XXYLT1: variants seen among roughly 807,000 people sequenced by gnomAD.
The protein encoded by XXYLT1 is xyloside xylosyltransferase 1.
In XXYLT1, 20 loss-of-function variants were observed where a neutral mutation model predicts 28.9. The observed-to-expected ratio is 0.69, with a 90% CI of 0.49 to 1.00. The LOEUF (loss-of-function observed/expected upper bound fraction) is 1.00. Among genes scored for constraint, XXYLT1 ranks in the 50% least tolerant of loss-of-function variants. The pLI is 0.00. For synonymous variants in XXYLT1, 257 were observed against 253.8 expected (o/e 1.01, Z -0.12); for missense variants, 542 against 560.1 (o/e 0.97, Z 0.33).
Position 195,180,288 on chromosome 3 carries a change from G to A in XXYLT1, c.653-23707C>T. ...ACTCGGTCCCCCAGTTACAGGAAAG[G>A]TCCCTTCCATCCTGGGGACCCAACT... is the stretch of plus-strand genomic sequence containing the variant. On this transcript the variant is annotated intron_variant, in intron 2 of 3. Coordinates refer to ENST00000310380, the MANE Select transcript of XXYLT1 (RefSeq NM_152531.5). The surrounding 1 kb of genome is among the most constrained non-coding windows in gnomAD (Gnocchi z 5.8). The A allele has an allele frequency of 1.0e-6, 1 of 981,396 alleles. No homozygotes were observed. 60.8% of individuals were successfully genotyped at this position (981,396 alleles called of 1,614,324 possible).
intron 2 of XXYLT1, among the ~76,000 whole-genome samples, chr3:195,172,773 A>T (rs1721474145): frequency 6.6e-6 from 1 of 152,224 alleles, no homozygotes; most frequent in South Asian, 2.1e-4. Flanking sequence ...AAAAGGCAAC[A>T]TTTGAGCTGA....
intron 2 of XXYLT1, among the ~76,000 whole-genome samples, chr3:195,196,415 G>T: frequency 6.6e-6 from 1 of 152,066 alleles, no homozygotes; most frequent in Non-Finnish European, 1.5e-5. Context: ...CCCCATCCCC[G>T]CCAGCATCAC....
At chr3:195,179,921 G>A (rs1346073951) in intron 2 of XXYLT1, among the ~76,000 whole-genome samples, 1 of 152,162 alleles carries the variant, frequency 6.6e-6, no homozygotes, top group East Asian at 1.9e-4. Context: ...CCCTGAGGAT[G>A]CCTCCCCGTG....
At chr3:195,157,593 C>T (rs984443624) in intron 2 of XXYLT1, among the ~76,000 whole-genome samples, 4 of 152,158 alleles carry the variant, frequency 2.6e-5, no homozygotes, top group Non-Finnish European at 4.4e-5. Flanking sequence ...TTCCCCTATC[C>T]TTCACCCAGC....
chr3:195,186,670 G>A (rs147038691), intron 2 of XXYLT1, among the ~76,000 whole-genome samples: 19 of 151,568 alleles, frequency 1.3e-4, no homozygotes, highest in African/African-American at 4.9e-5. Flanking sequence ...CTTCCCCTTC[G>A]TTGCCCTTAT....
chr3:195,158,872 T>C (rs1720734708), intron 2 of XXYLT1, among the ~76,000 whole-genome samples: 2 of 152,216 alleles, frequency 1.3e-5, no homozygotes, highest in Non-Finnish European at 2.9e-5. Context: ...GGATGAGGTT[T>C]CTAAAGGGGC....
chr3:195,135,806 G>A (rs1436251544), intron 3 of XXYLT1, among the ~76,000 whole-genome samples: 1 of 152,152 alleles, frequency 6.6e-6, no homozygotes, highest in African/African-American at 2.4e-5. Context: ...ATGGACGGAT[G>A]GACAGACGGG....
At chr3:195,134,299 G>A (rs543082000) in intron 3 of XXYLT1, among the ~76,000 whole-genome samples, 4 of 152,266 alleles carry the variant, frequency 2.6e-5, no homozygotes, top group African/African-American at 9.6e-5. Flanking sequence ...TAACGTCCCA[G>A]GCCTTCACAC....
intron 2 of XXYLT1, among the ~76,000 whole-genome samples, chr3:195,165,269 G>A (rs990033057): frequency 6.6e-6 from 1 of 152,080 alleles, no homozygotes; most frequent in Non-Finnish European, 1.5e-5. Flanking sequence ...CTACAGGGTC[G>A]CAGGCTACAG....
chr3:195,071,807 G>C (rs1015061062), intron 3 of XXYLT1, among the ~76,000 whole-genome samples: 3 of 152,182 alleles, frequency 2.0e-5, no homozygotes, highest in African/African-American at 7.2e-5. Flanking sequence ...TGACATCAGA[G>C]AGGAGGGACC....
chr3:195,191,907 A>G (rs574339543), intron 2 of XXYLT1, among the ~76,000 whole-genome samples: 19 of 152,374 alleles, frequency 1.2e-4, no homozygotes, highest in African/African-American at 4.1e-4. Context: ...TTCAACAATT[A>G]TAGTTGGAGA....
At chr3:195,100,097 C>T (rs547822444) in intron 3 of XXYLT1, among the ~76,000 whole-genome samples, 41 of 152,228 alleles carry the variant, frequency 2.7e-4, no homozygotes, top group African/African-American at 9.6e-4. Flanking sequence ...CTTCCAGTCC[C>T]TGCATAAAGC....
At chr3:195,250,233 C>T (rs1297317635) in intron 1 of XXYLT1, among the ~76,000 whole-genome samples, 1 of 152,204 alleles carries the variant, frequency 6.6e-6, no homozygotes, top group Non-Finnish European at 1.5e-5. Context: ...CACTCAATGT[C>T]ACCTTTTAGT....
chr3:195,184,944 A>G (rs1302406109), intron 2 of XXYLT1: 2 of 562,746 alleles, frequency 3.6e-6, no homozygotes, highest in African/African-American at 2.0e-5. Flanking sequence ...GGGCATTTAT[A>G]CAGCTCATTT....
Position 195,173,423 on chromosome 3 carries a change from C to T in XXYLT1, c.653-16842G>A, listed in dbSNP as rs371419766. 7.9e-5 allele frequency among the ~76,000 whole-genome samples: 12 copies of T among 152,104 alleles called. No homozygotes were observed. The highest frequency in any genetic ancestry group is 2.4e-5 in the African/African-American group (1 of 41,390). On this transcript the variant is annotated intron_variant, in intron 2 of 3. Coordinates refer to ENST00000310380, the MANE Select transcript of XXYLT1 (RefSeq NM_152531.5). This position sits in a 1 kb window ranked among gnomAD's most constrained non-coding sequence, Gnocchi z 4.3. ...TTTGTGTTGTTACCTAGGAGGTGCT[C>T]GACACTAAGTAACATTCTGGTTCAT...
intron 3 of XXYLT1, among the ~76,000 whole-genome samples, chr3:195,131,960 G>A (rs1000852586): frequency 1.3e-5 from 2 of 152,222 alleles, no homozygotes; most frequent in Non-Finnish European, 2.9e-5. Flanking sequence ...CCAGGCAGGT[G>A]ATCAGCATCT....
intron 2 of XXYLT1, chr3:195,207,551 C>A (rs1272284281): frequency 2.2e-6 from 1 of 447,118 alleles, no homozygotes; most frequent in East Asian, 7.0e-5. Context: ...CAAAGCCTTC[C>A]CCAAATTCCT....
chr3:195,103,477 T>A (rs1190100248), intron 3 of XXYLT1, among the ~76,000 whole-genome samples: 1 of 151,080 alleles, frequency 6.6e-6, no homozygotes, highest in East Asian at 1.9e-4. Context: ...CTGCATTTGT[T>A]AGAGGCTGCA....
Position 195,226,837 on chromosome 3 carries a change from G to A in XXYLT1, c.524C>T (p.Ala175Val). 4 of 1,613,566 alleles carry A rather than the reference G, an allele frequency of 2.5e-6. No homozygotes were observed. The African/African-American group carries it at 4.0e-5, about 16-fold the overall frequency. ...FKCKVIFHDV[A>V]VLTDKLFPIV... ...GGGGAAGAGCTTATCCGTCAGCACA[G>A]CAACATCGTGGAAGATGACCTGCAG... The change falls in exon 2 of 4, where the codon GCT (alanine) becomes GTT (valine). Residue 175 changes from alanine to valine, a missense_variant. By Grantham distance (64) the Ala-to-Val change is moderately conservative. Coordinates refer to ENST00000310380, the MANE Select transcript of XXYLT1 (RefSeq NM_152531.5).
Sources: allele counts gnomAD v4.1 joint callset (sites outside exome capture counted in the v4.1 genomes callset), GRCh38; gene constraint gnomAD v4.1.1; non-coding constraint Gnocchi (gnomAD v3.1); transcripts MANE v1.5; gene names NCBI Gene and HGNC (gene_info 2026-07-23, HGNC 2026-07-21).